The following RAB28 variants were observed in gnomAD, a reference collection of about 807,000 sequenced individuals.
RAB28 encodes the protein ras-related protein Rab-28.
A neutral mutation model predicts 31.7 loss-of-function variants in RAB28; 24 were observed. The ratio of observed to expected loss-of-function variants is 0.76; its 90% CI spans 0.55 to 1.06. The LOEUF (loss-of-function observed/expected upper bound fraction) is 1.06. RAB28 is among the 50% of genes least tolerant of loss of function. The pLI is 0.00. For missense variants in RAB28, 254 were observed against 258.5 expected (o/e 0.98, Z 0.12); for synonymous variants, 100 against 90.4 (o/e 1.11, Z -0.60).
intron 4 of RAB28, among the ~76,000 whole-genome samples, chr4:13,446,338 T>G (rs1252614732): frequency 6.6e-6 from 1 of 152,180 alleles, no homozygotes; most frequent in Admixed American, 6.5e-5. Context: ...CAAGATCGCT[T>G]GGCTCCCTGG....
chr4:13,478,415 T>C (rs1351623848), intron 2 of RAB28, among the ~76,000 whole-genome samples: 6 of 151,554 alleles, frequency 4.0e-5, no homozygotes, highest in Non-Finnish European at 7.4e-5. Flanking sequence ...GCAGAGTATA[T>C]TACTAAGGAG....
intron 4 of RAB28, among the ~76,000 whole-genome samples, chr4:13,391,438 C>T (rs956522107): frequency 8.5e-5 from 13 of 152,236 alleles, no homozygotes; most frequent in South Asian, 2.1e-4. Flanking sequence ...GAAATAGGAA[C>T]GCTTTTACGC....
At chr4:13,455,739 G>C (rs1715266611) in intron 4 of RAB28, among the ~76,000 whole-genome samples, 1 of 152,204 alleles carries the variant, frequency 6.6e-6, no homozygotes, top group Non-Finnish European at 1.5e-5. Context: ...GGATTCTCCT[G>C]CAGTAAGGAA....
At chr4:13,415,667 C>T (rs1170482536) in intron 4 of RAB28, among the ~76,000 whole-genome samples, 2 of 152,156 alleles carry the variant, frequency 1.3e-5, no homozygotes, top group African/African-American at 4.8e-5. Flanking sequence ...CCTCCAACCA[C>T]GCCACCCTGG....
At chr4:13,419,934 A>C (rs1200854721) in intron 4 of RAB28, among the ~76,000 whole-genome samples, 2 of 151,974 alleles carry the variant, frequency 1.3e-5, no homozygotes, top group Admixed American at 6.6e-5. Context: ...AGACACAAAA[A>C]ACCCTTCAAA....
At chr4:13,418,877 G>A (rs1712951352) in intron 4 of RAB28, among the ~76,000 whole-genome samples, 2 of 152,190 alleles carry the variant, frequency 1.3e-5, no homozygotes, top group East Asian at 3.9e-4. Context: ...ATATCATAAT[G>A]ACAGGATCAA....
At position 13,461,111 on chromosome 4, in the gene RAB28, GT is replaced by G. The variant is rs1170814359; in HGVS notation, c.262-284del. ...AAGATATCTGGAATATGCTTGGTAA[GT>G]TACAGTAAATATAAGAAAATCATAT... On this transcript the variant is annotated intron_variant, in intron 3 of 6. Transcript: ENST00000330852. Among the ~76,000 whole-genome samples the G allele has an allele frequency of 9.2e-5, 14 of 152,292 alleles. No homozygotes were observed. The East Asian group carries it at 2.5e-3, about 27-fold the overall frequency.
intron 4 of RAB28, among the ~76,000 whole-genome samples, chr4:13,451,939 T>C (rs1220904656): frequency 3.9e-5 from 6 of 151,934 alleles, no homozygotes; most frequent in Non-Finnish European, 8.8e-5. Context: ...TCCATTTCGT[T>C]GGTCTATGTG....
At chr4:13,382,016 T>A (rs1043963068) in intron 4 of RAB28, among the ~76,000 whole-genome samples, 4 of 152,228 alleles carry the variant, frequency 2.6e-5, no homozygotes, top group African/African-American at 9.6e-5. Flanking sequence ...GTTTAATTAC[T>A]TTAATAATTA....
chr4:13,422,176 G>T (rs897799830), intron 4 of RAB28, among the ~76,000 whole-genome samples: 1 of 152,130 alleles, frequency 6.6e-6, no homozygotes, highest in African/African-American at 2.4e-5. Flanking sequence ...GGCCATCAGA[G>T]AAATGCAAAT....
At chr4:13,458,595 T>C (rs1179563743) in intron 4 of RAB28, among the ~76,000 whole-genome samples, 1 of 152,222 alleles carries the variant, frequency 6.6e-6, no homozygotes, top group Non-Finnish European at 1.5e-5. Flanking sequence ...CAACGAATCA[T>C]ATAATATTTC....
At chr4:13,481,287 T>C (rs997333275) in intron 1 of RAB28, among the ~76,000 whole-genome samples, 1 of 152,024 alleles carries the variant, frequency 6.6e-6, no homozygotes, top group Non-Finnish European at 1.5e-5. Flanking sequence ...ACTGGGAACA[T>C]ACAGAGTATT....
intron 4 of RAB28, among the ~76,000 whole-genome samples, chr4:13,428,638 G>T (rs1713641921): frequency 6.6e-6 from 1 of 152,130 alleles, no homozygotes; most frequent in South Asian, 2.1e-4. Context: ...AGAAAGAAAA[G>T]AAGTGAACAA....
chr4:13,418,423 A>G (rs1186870778), intron 4 of RAB28, among the ~76,000 whole-genome samples: 2 of 152,206 alleles, frequency 1.3e-5, no homozygotes, highest in East Asian at 3.9e-4. Context: ...ACACTCCTCA[A>G]GAAGAGCAAC....
At chr4:13,460,625 G>A (rs1030040154) in intron 4 of RAB28, 74 bp downstream of exon 4, 1 of 1,572,418 alleles carries the variant, frequency 6.4e-7, no homozygotes, top group Non-Finnish European at 8.7e-7. Flanking sequence ...ATTGGGGGTG[G>A]TGGGGGGACA....
intron 6 of RAB28, chr4:13,371,647 T>A: frequency 1.4e-6 from 2 of 1,460,636 alleles, no homozygotes; most frequent in Non-Finnish European, 1.8e-6. Context: ...TAACCAAGGC[T>A]CTGCAGATTC....
intron 5 of RAB28, among the ~76,000 whole-genome samples, chr4:13,378,610 GA>G (rs1009864170): frequency 6.8e-4 from 103 of 151,838 alleles, no homozygotes; most frequent in Admixed American, 1.2e-3. Flanking sequence ...CCAGTAGGTG[GA>G]AAAAAAATAA....
chr4:13,426,356 TGAG>T (rs35134147), intron 4 of RAB28, among the ~76,000 whole-genome samples: 5,498 of 152,130 alleles, frequency 0.036, 138 homozygotes, highest in South Asian at 0.077. Context: ...AACGAATCTC[TGAG>T]GAGGAGACCA....
intron 4 of RAB28, chr4:13,459,806 G>A: frequency 1.6e-6 from 2 of 1,231,268 alleles, no homozygotes; most frequent in Non-Finnish European, 2.1e-6. Flanking sequence ...CCCTAAAATA[G>A]GAGATCATTC....
Sources: gnomAD v4.1 joint callset for allele counts (sites outside exome capture counted in the v4.1 genomes callset) on GRCh38, gnomAD v4.1.1 for gene constraint, MANE v1.5 for transcripts, NCBI Gene and HGNC (gene_info 2026-07-23, HGNC 2026-07-21) for gene names.